Variants in NDUFB2 observed in about 807,000 individuals in gnomAD.
The protein encoded by NDUFB2 is NADH dehydrogenase [ubiquinone] 1 beta subcomplex subunit 2, mitochondrial.
A neutral mutation model predicts 13.4 loss-of-function variants in NDUFB2; 13 were observed. The ratio of observed to expected loss-of-function variants is 0.97; its 90% CI spans 0.63 to 1.54. The LOEUF (loss-of-function observed/expected upper bound fraction) is 1.54. Ranked by LOEUF, NDUFB2 falls within the 40% of genes most tolerant of loss-of-function variation. NDUFB2 has a pLI of 0.00. For synonymous variants in NDUFB2, 47 were observed against 50.6 expected (o/e 0.93, Z 0.30); for missense variants, 150 against 139.7 (o/e 1.07, Z -0.37).
intron 1 of NDUFB2, chr7:140,698,106 T>C: frequency 7.4e-7 from 1 of 1,350,118 alleles, no homozygotes. Context: ...AAGGAGTGAC[T>C]TGCCTGAAGT....
chr7:140,697,432 C>G (rs143140181), intron 1 of NDUFB2: 10 of 701,694 alleles, frequency 1.4e-5, no homozygotes, highest in Admixed American at 8.0e-5. Context: ...CTGGGGCAGC[C>G]GTGGCGTTTA....
chr7:140,698,118 C>A, intron 1 of NDUFB2: 1 of 1,351,400 alleles, frequency 7.4e-7, no homozygotes, highest in Non-Finnish European at 9.8e-7. Flanking sequence ...GCCTGAAGTC[C>A]CACATGGATG....
Position 140,696,743 on chromosome 7 carries a change from G to T in NDUFB2, c.-2G>T. 1 of 1,588,612 alleles carries T rather than the reference G, an allele frequency of 6.3e-7. No homozygotes were observed. Reference sequence around the variant, plus strand: ...GGGACCGCGGGGCGGACGGGAGCGAGTATGTCCGCTCTGACTCGGCTGGCG... The same window carrying T: ...GGGACCGCGGGGCGGACGGGAGCGATTATGTCCGCTCTGACTCGGCTGGCG... On this transcript the variant is annotated 5_prime_UTR_variant, in exon 1 of 4. Transcript: ENST00000247866.
intron 2 of NDUFB2, 105 bp from the exon 3 acceptor site, chr7:140,704,755 C>A: frequency 1.3e-6 from 1 of 749,592 alleles, no homozygotes; most frequent in Non-Finnish European, 2.1e-6. Context: ...AGGGGCTGAG[C>A]CATATTGTTT....
intron 1 of NDUFB2, among the ~76,000 whole-genome samples, chr7:140,697,802 G>C (rs1364448795): frequency 6.6e-6 from 1 of 152,138 alleles, no homozygotes; most frequent in African/African-American, 2.4e-5. Flanking sequence ...GCGTCCATTT[G>C]CAAGGAACTA....
chr7:140,704,925 TG>T lies in NDUFB2; in HGVS notation c.310del (p.Glu104LysfsTer16). 6.3e-7 allele frequency: 1 copy of T among 1,599,686 alleles called. No individual in the cohort carries two copies. The highest frequency in any genetic ancestry group is 1.3e-5 in the African/African-American group (1 of 74,214). ...DEELGIPPDD[E>X]D is the part of the protein sequence containing the mutation. ...AAGAATTAGGTATCCCTCCTGATGA[TG>T]AAGACTGAAGGTGTAGACTCAGCCT... On this transcript the variant is annotated frameshift_variant, in exon 3 of 4. Transcript: ENST00000247866. LOFTEE classifies it high-confidence loss of function.
intron 1 of NDUFB2, chr7:140,701,053 C>A (rs1794890543): frequency 6.6e-6 from 1 of 151,948 alleles, no homozygotes; most frequent in Admixed American, 6.6e-5. Context: ...GTTATTAATA[C>A]CTTAAATAGA....
At chr7:140,699,323 T>G (rs1794864691) in intron 1 of NDUFB2, among the ~76,000 whole-genome samples, 1 of 152,172 alleles carries the variant, frequency 6.6e-6, no homozygotes, top group Admixed American at 6.5e-5. Flanking sequence ...CTTACTTCCT[T>G]ATGTTTTTTG....
intron 1 of NDUFB2, chr7:140,698,071 T>C: frequency 7.5e-7 from 1 of 1,325,974 alleles, no homozygotes; most frequent in South Asian, 1.2e-5. Flanking sequence ...TTGTTGTTAT[T>C]AAGGAACTGA....
At chr7:140,704,236 T>A (rs1794936091) in intron 2 of NDUFB2, among the ~76,000 whole-genome samples, 2 of 152,206 alleles carry the variant, frequency 1.3e-5, no homozygotes, top group Non-Finnish European at 2.9e-5. Flanking sequence ...AAGCAGTATG[T>A]AAGTTTTAGA....
At chr7:140,697,391 G>A (rs1204670433) in intron 1 of NDUFB2, 1 of 702,922 alleles carries the variant, frequency 1.4e-6, no homozygotes, top group South Asian at 1.5e-5. Context: ...AGCGCCGTCG[G>A]GTGAGAGGAG....
chr7:140,703,105 G>A (rs1438138261), intron 2 of NDUFB2, 95 bp downstream of exon 2: 3 of 1,485,188 alleles, frequency 2.0e-6, no homozygotes, highest in Non-Finnish European at 2.8e-6. Flanking sequence ...CCATTTTTCT[G>A]TCTGGACATC....
intron 3 of NDUFB2, 79 bp downstream of exon 3, chr7:140,705,042 A>T (rs930199436): frequency 3.0e-6 from 2 of 658,398 alleles, no homozygotes; most frequent in Non-Finnish European, 2.4e-6. Flanking sequence ...CCTATGATGG[A>T]CTTGAAAAAA....
In NDUFB2 at chr7:140,697,210, G is replaced by C. The variant is rs952616063; in HGVS notation, c.98+368G>C. 6.2e-6 allele frequency: 4 copies of C among 650,056 alleles called. No homozygotes were observed. The Admixed American group carries it at 9.3e-5, about 15-fold the overall frequency. 40.3% of individuals were successfully genotyped at this position (650,056 alleles called of 1,614,324 possible). Reference sequence around the variant, plus strand: ...TGTGGACGCTCCTGGAGCGAGGCGGGGGGCGGCGGCGGTGAGGCCTAGGGA... The same window carrying C: ...TGTGGACGCTCCTGGAGCGAGGCGGCGGGCGGCGGCGGTGAGGCCTAGGGA... On this transcript the variant is annotated intron_variant, in intron 1 of 3. Coordinates refer to ENST00000247866, the MANE Select transcript of NDUFB2 (RefSeq NM_004546.3).
rs59579457 is a variant in NDUFB2, at chr7:140,705,050, A to G, written c.*29+87A>G. The G allele has an allele frequency of 1.0e-3, 677 of 646,098 alleles. 5 individuals carry two copies. The African/African-American group carries it at 0.011, about 11-fold the overall frequency. 40.0% of individuals were successfully genotyped at this position (646,098 alleles called of 1,614,324 possible). A position where few individuals can be genotyped will look rare whatever the true frequency, so the allele number is the denominator to read the frequency against. ...CTTTGTGCCTATGATGGACTTGAAA[A>G]AACTGCATATTCTAACAGCATGAAG... On this transcript the variant is annotated intron_variant, in intron 3 of 3. Coordinates refer to ENST00000247866, the MANE Select transcript of NDUFB2 (RefSeq NM_004546.3).
chr7:140,696,758 C>G lies in NDUFB2; in HGVS notation c.14C>G (p.Thr5Ser). ...ACGGGAGCGAGTATGTCCGCTCTGACTCGGCTGGCGTCTTTCGCTCGCGTT... is the reference window on the plus strand; with the variant it reads ...ACGGGAGCGAGTATGTCCGCTCTGAGTCGGCTGGCGTCTTTCGCTCGCGTT... MSALTRLASFARVGG... is the reference protein window; with the variant it reads MSALSRLASFARVGG... The change falls in exon 1 of 4, where the codon ACT becomes AGT. Residue 5 changes from threonine to serine, a missense_variant. By Grantham distance (58) the Thr-to-Ser change is moderately conservative. Transcript: ENST00000247866. 1.9e-6 allele frequency: 3 copies of G among 1,599,696 alleles called. No individual in the cohort carries two copies. The highest frequency in any genetic ancestry group is 1.7e-6 in the Non-Finnish European group (2 of 1,174,102).
intron 3 of NDUFB2, chr7:140,705,681 T>C (rs1212125119): frequency 2.0e-5 from 3 of 152,182 alleles, no homozygotes; most frequent in Non-Finnish European, 4.4e-5. Flanking sequence ...ATCCATCCAC[T>C]GATCAAAGAT....
At chr7:140,697,346 CT>C (rs1235699149) in intron 1 of NDUFB2, 14 of 702,942 alleles carry the variant, frequency 2.0e-5, no homozygotes, top group Non-Finnish European at 2.9e-5. Context: ...AAAAATCACT[CT>C]GGCTGCAGGG....
intron 1 of NDUFB2, chr7:140,700,237 C>T (rs558943898): frequency 6.6e-6 from 1 of 151,990 alleles, no homozygotes; most frequent in Non-Finnish European, 1.5e-5. Flanking sequence ...GATTCTCCTG[C>T]TTCAGCCTCC....
Sources: gnomAD v4.1 joint callset for allele counts (sites outside exome capture counted in the v4.1 genomes callset) on GRCh38, gnomAD v4.1.1 for gene constraint, MANE v1.5 for transcripts, NCBI Gene and HGNC (gene_info 2026-07-23, HGNC 2026-07-21) for gene names.